C2CD3: variants seen among roughly 807,000 people sequenced by gnomAD.
The protein encoded by C2CD3 is C2 domain-containing protein 3.
Under a neutral mutation model 234.0 loss-of-function variants are expected in C2CD3, and 148 were observed. That is an observed-to-expected ratio of 0.63 (90% CI 0.55 to 0.72). The LOEUF is 0.72. C2CD3 is among the 30% of genes least tolerant of loss of function. C2CD3 has a pLI of 0.00. For synonymous variants in C2CD3, 1,000 were observed against 1,035.4 expected (o/e 0.97, Z 0.66); for missense variants, 2,577 against 2,811.5 (o/e 0.92, Z 1.89).
chr11:74,021,088 CA>C (rs371223725), intron 32 of C2CD3, among the ~76,000 whole-genome samples: 2 of 152,266 alleles, frequency 1.3e-5, no homozygotes, highest in African/African-American at 4.8e-5. Context: ...AAACTGGCAT[CA>C]GGGAGGATTC....
At chr11:74,074,203 G>A (rs756918983) in intron 24 of C2CD3, 50 bp downstream of exon 24, 30 of 1,245,810 alleles carry the variant, frequency 2.4e-5, no homozygotes, top group Non-Finnish European at 3.4e-5. Flanking sequence ...GAAGAAAGGA[G>A]CACACCCTGA....
intron 3 of C2CD3, among the ~76,000 whole-genome samples, chr11:74,158,011 C>T (rs1856152598): frequency 6.6e-6 from 1 of 152,144 alleles, no homozygotes; most frequent in African/African-American, 2.4e-5. Flanking sequence ...GAGTAGACTC[C>T]TCTCATCATA....
chr11:74,055,170 G>T (rs1953897429), intron 25 of C2CD3, among the ~76,000 whole-genome samples: 1 of 152,180 alleles, frequency 6.6e-6, no homozygotes. Flanking sequence ...TTTTACAGAT[G>T]ATAAGGTTGG....
rs564676965 is a variant in C2CD3 at position 74,098,211 on chromosome 11, A to G, written c.2777T>C (p.Val926Ala). Residue 926 changes from valine to alanine, a missense_variant, in exon 16 of 33, where the codon GTT becomes GCT. By Grantham distance (64) the Val-to-Ala change is moderately conservative. Coordinates refer to ENST00000334126, the MANE Select transcript of C2CD3 (RefSeq NM_001286577.2). Reference protein sequence around the residue: ...SRLLLDAQYPVVAVDSYMPVI... With the variant: ...SRLLLDAQYPAVAVDSYMPVI... ...AGGCATGTAGCTGTCGACAGCAACAACTGGGTACTGGGCATCCAGCAGCAG... is the reference window on the plus strand; with the variant it reads ...AGGCATGTAGCTGTCGACAGCAACAGCTGGGTACTGGGCATCCAGCAGCAG... 1.9e-4 allele frequency: 309 copies of G among 1,614,082 alleles called. 7 individuals carry two copies. The South Asian group carries it at 3.2e-3, about 17-fold the overall frequency.
chr11:74,042,104 T>C lies in C2CD3; in HGVS notation c.5610A>G (p.Lys1870=), dbSNP rs754170614. Residue 1870 remains lysine, a synonymous_variant, in exon 29 of 33, where the codon AAA becomes AAG. Transcript: ENST00000334126. ...GGGAGGACAAAGGTGATGTGGTCAG[T>C]TTGTCATCACATGGCAAGGGTGCCT... ...QGEAPLPCDD[K]LTTSPLSSQT... is the part of the protein sequence containing the mutation. 6.2e-7 allele frequency: 1 copy of C among 1,613,946 alleles called. No individual in the cohort carries two copies. Among genetic ancestry groups the C allele is most frequent in the South Asian group, 1.1e-5 (1 of 91,054 alleles).
Position 74,034,019 on chromosome 11 carries a change from C to T in C2CD3, c.6141G>A (p.Met2047Ile). The T allele has an allele frequency of 6.5e-7, 1 of 1,536,574 alleles. No homozygotes were observed. The highest frequency in any genetic ancestry group is 1.2e-5 in the South Asian group (1 of 84,062). Reference protein sequence around the residue: ...SLRHAVPITRMQSSEDTEAGP... With the variant: ...SLRHAVPITRIQSSEDTEAGP... Reference sequence around the variant, plus strand: ...CTGCCTCAGTGTCTTCACTGCTCTGCATCCTTGTAATGGGTACTGCATGCC... The same window carrying T: ...CTGCCTCAGTGTCTTCACTGCTCTGTATCCTTGTAATGGGTACTGCATGCC... The change falls in exon 31 of 33, where the codon ATG becomes ATA. Residue 2047 changes from methionine to isoleucine, a missense_variant. Physicochemically the swap from Met to Ile is conservative, Grantham distance 10 (BLOSUM62 1). Coordinates refer to ENST00000334126, the MANE Select transcript of C2CD3 (RefSeq NM_001286577.2).
intron 16 of C2CD3, among the ~76,000 whole-genome samples, chr11:74,096,830 C>T (rs1037943105): frequency 1.3e-5 from 2 of 152,078 alleles, no homozygotes; most frequent in Non-Finnish European, 2.9e-5. Context: ...ATACGATTAT[C>T]TATTGACAAA....
intron 1 of C2CD3, among the ~76,000 whole-genome samples, chr11:74,169,899 T>C (rs1414608127): frequency 6.6e-6 from 1 of 152,194 alleles, no homozygotes. Context: ...CCTAATGTCC[T>C]ATCACTGTTC....
At chr11:74,078,057 G>A (rs748063245) in intron 23 of C2CD3, 58 bp downstream of exon 23, 62 of 1,543,788 alleles carry the variant, frequency 4.0e-5, no homozygotes, top group Non-Finnish European at 5.2e-5. Flanking sequence ...GTCTCACCTA[G>A]TGTTTGACAC....
At chr11:74,025,957 T>G (rs1007823940) in intron 32 of C2CD3, among the ~76,000 whole-genome samples, 29 of 151,868 alleles carry the variant, frequency 1.9e-4, no homozygotes, top group African/African-American at 7.0e-4. Context: ...TGGGTGTGTG[T>G]GGGAAATGCA....
chr11:74,114,727 G>C, intron 9 of C2CD3, 134 bp from the exon 10 acceptor site: 1 of 634,976 alleles, frequency 1.6e-6, no homozygotes, highest in South Asian at 1.9e-5. Flanking sequence ...TTTGACACAG[G>C]GTGTTGCTCT....
At chr11:74,095,548 T>A in intron 16 of C2CD3, 140 bp from the exon 17 acceptor site, 1 of 580,416 alleles carries the variant, frequency 1.7e-6, no homozygotes, top group South Asian at 2.7e-5. Flanking sequence ...ATTTTCATTG[T>A]AACTCTCACA....
intron 32 of C2CD3, among the ~76,000 whole-genome samples, chr11:74,017,030 G>A (rs373154615): frequency 1.3e-5 from 2 of 152,192 alleles, no homozygotes; most frequent in Admixed American, 6.5e-5. Context: ...GGTATGCCAC[G>A]TGGAGGTGCA....
intron 7 of C2CD3, among the ~76,000 whole-genome samples, chr11:74,126,318 T>G: frequency 6.6e-6 from 1 of 152,222 alleles, no homozygotes; most frequent in East Asian, 1.9e-4. Context: ...GGTCTCTCAG[T>G]ATTTTAAAAT....
chr11:74,066,898 C>G (rs1257322680), intron 24 of C2CD3, among the ~76,000 whole-genome samples: 1 of 152,134 alleles, frequency 6.6e-6, no homozygotes, highest in Admixed American at 6.5e-5. Flanking sequence ...ACATTAAACT[C>G]TGAAGTGTAG....
At chr11:74,034,371 C>T (rs1952637697) in intron 30 of C2CD3, 93 bp from the exon 31 acceptor site, 1 of 1,478,694 alleles carries the variant, frequency 6.8e-7, no homozygotes, top group East Asian at 2.5e-5. Context: ...AGCACTATGG[C>T]AATCAGACTC....
intron 3 of C2CD3, among the ~76,000 whole-genome samples, chr11:74,146,330 A>G (rs974332609): frequency 5.3e-5 from 8 of 152,222 alleles, no homozygotes; most frequent in African/African-American, 1.9e-4. Context: ...GTATGGCTAC[A>G]AACTTAAAAG....
In C2CD3 at chr11:74,092,599, C is replaced by T. The variant is rs748018573; in HGVS notation, c.3345-11G>A. Reference sequence around the variant, plus strand: ...TTAGGATAATAGTATCTGTAAACCACAAAAGCACACGTTGTCAGAAGAATT... The same window carrying T: ...TTAGGATAATAGTATCTGTAAACCATAAAAGCACACGTTGTCAGAAGAATT... On this transcript the variant is annotated splice_polypyrimidine_tract_variant and intron_variant, in intron 18 of 32. Coordinates refer to ENST00000334126, the MANE Select transcript of C2CD3 (RefSeq NM_001286577.2). The T allele has an allele frequency of 3.1e-6, 5 of 1,603,398 alleles. No homozygotes were observed. The highest frequency in any genetic ancestry group is 4.3e-6 in the Non-Finnish European group (5 of 1,173,386).
At position 74,103,559 on chromosome 11, in the gene C2CD3, T is replaced by A; in HGVS notation, c.2152A>T (p.Thr718Ser). The change falls in exon 14 of 33, where the codon ACC becomes TCC. Residue 718 changes from threonine (T) to serine (S), a missense_variant. Coordinates refer to ENST00000334126, the MANE Select transcript of C2CD3 (RefSeq NM_001286577.2). ...TGINTKLSGN[T>S]HYTPLCAPTS... ...GGAGCACAAAGTGGGGTATAATGGG[T>A]GTTGCCACTTAACTTAGTATTGATA... is the stretch of plus-strand genomic sequence containing the variant. 2.5e-6 allele frequency: 4 copies of A among 1,613,578 alleles called. No individual in the cohort carries two copies. In the South Asian group the frequency reaches 4.4e-5, roughly 18 times the overall value.
Sources: allele counts gnomAD v4.1 joint callset (sites outside exome capture counted in the v4.1 genomes callset), GRCh38; gene constraint gnomAD v4.1.1; transcripts MANE v1.5; gene names NCBI Gene and HGNC (gene_info 2026-07-23, HGNC 2026-07-21).